Variants in WDPCP observed in about 807,000 individuals in gnomAD.
WDPCP encodes WD repeat containing planar cell polarity effector.
In WDPCP, 71 loss-of-function variants were observed where a neutral mutation model predicts 93.1. That is an observed-to-expected ratio of 0.76 (90% CI 0.63 to 0.93). The LOEUF (loss-of-function observed/expected upper bound fraction) is 0.93, where lower values mean the gene tolerates loss of function less well. Ranked by LOEUF, WDPCP falls within the 40% of genes least tolerant of loss-of-function variation. WDPCP has a pLI of 0.00. For synonymous variants in WDPCP, 315 were observed against 315.0 expected, an observed-to-expected ratio of 1.00 and a Z score of 0.00; for missense variants, 844 against 887.4, an observed-to-expected ratio of 0.95 and a Z score of 0.62.
intron 14 of WDPCP, among the ~76,000 whole-genome samples, chr2:63,253,771 C>G (rs1330394899): frequency 6.6e-6 from 1 of 152,104 alleles, no homozygotes; most frequent in East Asian, 1.9e-4. Context: ...AAAGGGAATG[C>G]TTATACACTG....
intron 3 of WDPCP, among the ~76,000 whole-genome samples, chr2:63,608,196 A>G (rs1196551945): frequency 6.6e-6 from 1 of 152,220 alleles, no homozygotes; most frequent in Non-Finnish European, 1.5e-5. Context: ...TTATATTAAA[A>G]AAATGGTAAT....
intron 1 of WDPCP, among the ~76,000 whole-genome samples, chr2:63,537,460 C>G (rs549733765): frequency 6.6e-6 from 1 of 152,208 alleles, no homozygotes; most frequent in South Asian, 2.1e-4. Flanking sequence ...CACATTGCAC[C>G]AAGGATGAAA....
chr2:63,492,991 C>T, intron 1 of WDPCP, 51 bp from the exon 2 acceptor site: 3 of 1,456,070 alleles, frequency 2.1e-6, no homozygotes, highest in Non-Finnish European at 2.9e-6. Context: ...CTTCTATTGC[C>T]AATAAAACCA....
chr2:63,547,093 A>G (rs1258888743), intron 1 of WDPCP, among the ~76,000 whole-genome samples: 1 of 152,166 alleles, frequency 6.6e-6, no homozygotes, highest in Non-Finnish European at 1.5e-5. Context: ...ACATAGGCAA[A>G]TGATGAAAAG....
intron 2 of WDPCP, among the ~76,000 whole-genome samples, chr2:63,679,678 G>C (rs1710468590): frequency 6.6e-6 from 1 of 152,150 alleles, no homozygotes; most frequent in South Asian, 2.1e-4. Flanking sequence ...CAGCTTCCAC[G>C]ACCTCGTTAG....
chr2:63,597,143 TA>T, intron 3 of WDPCP: 1 of 355,768 alleles, frequency 2.8e-6, no homozygotes, highest in Non-Finnish European at 3.9e-6. Flanking sequence ...TATATGATTA[TA>T]AAAGATAAAA....
At chr2:63,226,862 G>C (rs1678334689) in intron 14 of WDPCP, among the ~76,000 whole-genome samples, 1 of 151,852 alleles carries the variant, frequency 6.6e-6, no homozygotes, top group Non-Finnish European at 1.5e-5. Context: ...ACTGTAAGTG[G>C]AATTTAGCCA....
Position 63,152,854 on chromosome 2 carries a change from T to C in WDPCP, c.2190+60A>G, listed in dbSNP as rs377528486. 6 of 1,502,726 alleles carry C rather than the reference T, an allele frequency of 4.0e-6. No individual in the cohort carries two copies. In the East Asian group the frequency reaches 1.1e-4, roughly 28 times the overall value. The allele number at this position is 1,502,726 out of a possible 1,614,324, so 93.1% of individuals were successfully genotyped here. A position where few individuals can be genotyped will look rare whatever the true frequency, so the allele number is the denominator to read the frequency against. ...ATTTCTTGAGTTCAAAATAATCACA[T>C]ACATTATGCTTTTCTCTTAGAATTT... On this transcript the variant is annotated intron_variant, in intron 17 of 17. Coordinates refer to ENST00000272321, the MANE Select transcript of WDPCP (RefSeq NM_015910.7).
intron 3 of WDPCP, among the ~76,000 whole-genome samples, chr2:63,618,592 C>T (rs181869734): frequency 1.1e-3 from 165 of 152,130 alleles, no homozygotes; most frequent in African/African-American, 3.5e-3. Context: ...CTCTAGTTGA[C>T]AATTCTGCAT....
chr2:63,139,874 T>G (rs1202466907), intron 17 of WDPCP, among the ~76,000 whole-genome samples: 1 of 152,244 alleles, frequency 6.6e-6, no homozygotes, highest in Non-Finnish European at 1.5e-5. Context: ...TTCTTGGTAA[T>G]GAAATCTTTG....
intron 2 of WDPCP, among the ~76,000 whole-genome samples, chr2:63,692,812 G>A (rs559566734): frequency 4.6e-4 from 70 of 152,144 alleles, no homozygotes; most frequent in Admixed American, 1.0e-3. Context: ...TATGTATTAT[G>A]TACTATCTTA....
At chr2:63,773,176 T>G (rs1442057010) in intron 2 of WDPCP, among the ~76,000 whole-genome samples, 1 of 151,962 alleles carries the variant, frequency 6.6e-6, no homozygotes, top group Non-Finnish European at 1.5e-5. Context: ...GCCAGAAAAC[T>G]GGGAATAATC....
At chr2:63,702,673 G>A (rs1290458157) in intron 2 of WDPCP, among the ~76,000 whole-genome samples, 1 of 150,618 alleles carries the variant, frequency 6.6e-6, no homozygotes, top group African/African-American at 2.4e-5. Context: ...CGAGTAGCTG[G>A]ACTGCAGGCG....
chr2:63,837,109 C>T, the WDPCP span, among the ~76,000 whole-genome samples: 1 of 152,168 alleles, frequency 6.6e-6, no homozygotes. Context: ...TTTAAATTCA[C>T]AACTTGTTTC....
At chr2:63,377,489 G>A (rs1691943381) in intron 12 of WDPCP, among the ~76,000 whole-genome samples, 1 of 150,378 alleles carries the variant, frequency 6.6e-6, no homozygotes, top group Non-Finnish European at 1.5e-5. Flanking sequence ...ATATGTATGT[G>A]TATATATACA....
At chr2:63,477,957 A>G (rs937053933) in intron 6 of WDPCP, 2 of 152,154 alleles carry the variant, frequency 1.3e-5, no homozygotes, top group African/African-American at 4.8e-5. Flanking sequence ...CTCCCTGGGA[A>G]GAGACCACAG....
intron 15 of WDPCP, among the ~76,000 whole-genome samples, chr2:63,167,945 T>C (rs576723783): frequency 2.7e-4 from 41 of 152,010 alleles, no homozygotes; most frequent in African/African-American, 8.9e-4. Context: ...CAAAACGCCA[T>C]CTCTACAAAA....
chr2:63,720,394 G>A (rs1034342923), intron 2 of WDPCP, among the ~76,000 whole-genome samples: 2 of 150,020 alleles, frequency 1.3e-5, no homozygotes, highest in African/African-American at 4.9e-5. Context: ...TCCAGCCCGG[G>A]TGACAGAGCA....
At chr2:63,389,197 T>G (rs761136874) in intron 10 of WDPCP, among the ~76,000 whole-genome samples, 77 of 152,090 alleles carry the variant, frequency 5.1e-4, no homozygotes, top group Non-Finnish European at 9.9e-4. Flanking sequence ...TACCAGCAGA[T>G]CTCCCTGCAG....
Sources: gnomAD v4.1 joint callset for allele counts (sites outside exome capture counted in the v4.1 genomes callset) on GRCh38, gnomAD v4.1.1 for gene constraint, MANE v1.5 for transcripts, NCBI Gene and HGNC (gene_info 2026-07-23, HGNC 2026-07-21) for gene names.